Variants in TRERF1 observed in about 807,000 individuals in gnomAD.
The protein encoded by TRERF1 is transcriptional-regulating factor 1.
Under a neutral mutation model 122.9 loss-of-function variants are expected in TRERF1, and 27 were observed. The observed-to-expected ratio is 0.22, with a 90% confidence interval of 0.16 to 0.30. The LOEUF (loss-of-function observed/expected upper bound fraction) is 0.30. TRERF1 is among the 10% of genes least tolerant of loss of function. TRERF1 has a pLI of 1.00. For synonymous variants in TRERF1, 636 were observed against 641.7 expected (o/e 0.99, Z 0.13); for missense variants, 1,248 against 1,560.3 (o/e 0.80, Z 3.37).
chr6:42,340,763 G>C (rs1387177064), intron 3 of TRERF1, among the ~76,000 whole-genome samples: 1 of 152,094 alleles, frequency 6.6e-6, no homozygotes, highest in Non-Finnish European at 1.5e-5. Flanking sequence ...ACCGCACCCA[G>C]CGGCAAAAAA....
intron 2 of TRERF1, among the ~76,000 whole-genome samples, chr6:42,438,991 G>A (rs1429212257): frequency 6.6e-6 from 1 of 152,160 alleles, no homozygotes; most frequent in Non-Finnish European, 1.5e-5. Flanking sequence ...TACATGGCCA[G>A]GAGCCTCAAG....
At chr6:42,286,681 T>C (rs1346956518) in intron 4 of TRERF1, among the ~76,000 whole-genome samples, 1 of 93,648 alleles carries the variant, frequency 1.1e-5, no homozygotes, top group Non-Finnish European at 2.1e-5. Context: ...GGAACACTTT[T>C]ACACTGTTGG....
Position 42,428,435 on chromosome 6 carries a change from G to A in TRERF1, c.-454+22742C>T, listed in dbSNP as rs528947949. Among the ~76,000 whole-genome samples the A allele has an allele frequency of 6.6e-5, 10 of 152,318 alleles. No homozygotes were observed. In the East Asian group the frequency reaches 1.2e-3, roughly 18 times the overall value. ...GGAGGTGAAACTCAAATCAGTGGGCGTTGCTACTTTATTAGCAGATGAGAC... is the reference window on the plus strand; with the variant it reads ...GGAGGTGAAACTCAAATCAGTGGGCATTGCTACTTTATTAGCAGATGAGAC... On this transcript the variant is annotated intron_variant, in intron 2 of 17. Coordinates refer to ENST00000372922, the Ensembl canonical transcript of TRERF1.
chr6:42,346,284 G>A (rs988444688), intron 3 of TRERF1, among the ~76,000 whole-genome samples: 6 of 152,210 alleles, frequency 3.9e-5, no homozygotes, highest in African/African-American at 1.4e-4. Flanking sequence ...TCCAGGCAGG[G>A]GGTGCTGCTT....
intron 15 of TRERF1, 83 bp from the exon 16 acceptor site, chr6:42,236,494 GGA>G (rs1772232713): frequency 6.7e-7 from 1 of 1,498,196 alleles, no homozygotes; most frequent in East Asian, 2.5e-5. Context: ...GATCAACAGA[GGA>G]GAGAGGGGCA....
intron 3 of TRERF1, among the ~76,000 whole-genome samples, chr6:42,348,151 C>G (rs1768687914): frequency 6.6e-6 from 1 of 152,114 alleles, no homozygotes; most frequent in Non-Finnish European, 1.5e-5. Context: ...CATACTTAAC[C>G]CTGTAATGCA....
intron 3 of TRERF1, among the ~76,000 whole-genome samples, chr6:42,325,585 T>C (rs1464560470): frequency 6.6e-6 from 1 of 152,020 alleles, no homozygotes; most frequent in Non-Finnish European, 1.5e-5. Flanking sequence ...TAAAAAAGAA[T>C]GAAATTGGTT....
At chr6:42,422,673 C>T (rs1049752332) in intron 2 of TRERF1, among the ~76,000 whole-genome samples, 2 of 152,054 alleles carry the variant, frequency 1.3e-5, no homozygotes, top group African/African-American at 4.8e-5. Context: ...CGAGATAGGG[C>T]TGCCCAATCC....
intron 4 of TRERF1, among the ~76,000 whole-genome samples, chr6:42,292,425 GCACATTCATTTTATC>G (rs1195825385): frequency 1.3e-5 from 2 of 152,144 alleles, no homozygotes; most frequent in Admixed American, 1.3e-4. Flanking sequence ...TGTGTCCAGG[GCACATTCATTTTATC>G]CACAATGATG....
At chr6:42,229,134 G>A (rs112134431) in intron 17 of TRERF1, among the ~76,000 whole-genome samples, 146 of 152,236 alleles carry the variant, frequency 9.6e-4, no homozygotes, top group African/African-American at 3.3e-3. Context: ...TTTTGTTGTT[G>A]TTGTTGTTGT....
chr6:42,337,917 G>A (rs1172665039), intron 3 of TRERF1, among the ~76,000 whole-genome samples: 1 of 152,174 alleles, frequency 6.6e-6, no homozygotes, highest in Non-Finnish European at 1.5e-5. Flanking sequence ...TGAGGGTTGA[G>A]ACCCTTGCTA....
chr6:42,340,346 T>A (rs893357084), intron 3 of TRERF1, among the ~76,000 whole-genome samples: 1 of 152,120 alleles, frequency 6.6e-6, no homozygotes, highest in African/African-American at 2.4e-5. Flanking sequence ...GAGAGAGGGA[T>A]GAGGGTTCAC....
intron 2 of TRERF1, among the ~76,000 whole-genome samples, chr6:42,436,131 G>A (rs1785311252): frequency 1.3e-5 from 2 of 152,090 alleles, no homozygotes; most frequent in African/African-American, 4.8e-5. Context: ...CACTTTGGGA[G>A]GTTGAGGCAG....
chr6:42,259,296 C>T lies in TRERF1; in HGVS notation c.2269+43G>A, dbSNP rs371466830. On this transcript the variant is annotated intron_variant, in intron 9 of 17. Coordinates refer to ENST00000372922, the Ensembl canonical transcript of TRERF1. This position sits in a 1 kb window ranked among gnomAD's most constrained non-coding sequence, Gnocchi z 4.9. ...GAAAACGAGATGTCCCAGGACTTTA[C>T]CCAGCACCCAGAGCCCAGGAGGACG... is the stretch of plus-strand genomic sequence containing the variant. 1.8e-4 allele frequency: 268 copies of T among 1,479,166 alleles called. 1 individual carries two copies. The highest frequency in any genetic ancestry group is 2.2e-4 in the Non-Finnish European group (243 of 1,123,812). The allele number at this position is 1,479,166 out of a possible 1,614,324, so 91.6% of individuals were successfully genotyped here.
chr6:42,400,238 C>T (rs9349231), intron 2 of TRERF1, among the ~76,000 whole-genome samples: 5 of 152,340 alleles, frequency 3.3e-5, no homozygotes, highest in African/African-American at 1.2e-4. Context: ...TGCAGCACCA[C>T]TATTACACAA....
chr6:42,434,034 C>A (rs1261599441), intron 2 of TRERF1, among the ~76,000 whole-genome samples: 2 of 151,164 alleles, frequency 1.3e-5, no homozygotes, highest in Admixed American at 6.6e-5. Flanking sequence ...CTCTGTTTTT[C>A]AAAAAAGAGA....
chr6:42,409,327 A>C (rs1780772400), intron 2 of TRERF1, among the ~76,000 whole-genome samples: 1 of 152,178 alleles, frequency 6.6e-6, no homozygotes, highest in Non-Finnish European at 1.5e-5. Flanking sequence ...TATTTATTGT[A>C]CTGATCTTCC....
At chr6:42,318,091 T>C (rs546127114) in intron 3 of TRERF1, among the ~76,000 whole-genome samples, 19 of 151,244 alleles carry the variant, frequency 1.3e-4, no homozygotes, top group African/African-American at 4.6e-4. Flanking sequence ...GAGGTGGAGG[T>C]TGTAGTAAGC....
rs1338546748 is a variant in TRERF1, at chr6:42,268,343, G to A, written c.1248C>T (p.Ala416=). The A allele has an allele frequency of 1.3e-6, 2 of 1,522,120 alleles. No individual in the cohort carries two copies. Among genetic ancestry groups the A allele is most frequent in the Non-Finnish European group, 1.8e-6 (2 of 1,137,062 alleles). 94.3% of individuals were successfully genotyped at this position (1,522,120 alleles called of 1,614,324 possible). The change falls in exon 5 of 18, where the codon GCC becomes GCT. Residue 416 remains alanine, a synonymous_variant. Coordinates refer to ENST00000372922, the Ensembl canonical transcript of TRERF1. This position sits in a 1 kb window ranked among gnomAD's most constrained non-coding sequence, Gnocchi z 4.4. Reference sequence around the variant, plus strand: ...CCCCATGGGAGCTCAGCATGGCCTGGGCCTGTCTGTCACTAGAGTAGGTCT... The same window carrying A: ...CCCCATGGGAGCTCAGCATGGCCTGAGCCTGTCTGTCACTAGAGTAGGTCT...
Sources: gnomAD v4.1 joint callset for allele counts (sites outside exome capture counted in the v4.1 genomes callset) on GRCh38, gnomAD v4.1.1 for gene constraint, Gnocchi (gnomAD v3.1) non-coding constraint, MANE v1.5 for transcripts, NCBI Gene and HGNC (gene_info 2026-07-23, HGNC 2026-07-21) for gene names.